NELL2: variants seen among roughly 807,000 people sequenced by gnomAD.
The protein encoded by NELL2 is protein kinase C-binding protein NELL2.
NELL2 carries 41 observed loss-of-function variants against 109.6 expected under a neutral mutation model. The observed-to-expected ratio is 0.37, with a 90% CI of 0.29 to 0.49. NELL2 has a LOEUF of 0.49. Ranked by LOEUF, NELL2 falls within the 20% of genes least tolerant of loss-of-function variation. NELL2 has a pLI of 0.98. For synonymous variants in NELL2, 355 were observed against 344.7 expected (o/e 1.03, Z -0.33); for missense variants, 900 against 1,008.3 (o/e 0.89, Z 1.45).
intron 3 of NELL2, among the ~76,000 whole-genome samples, chr12:44,787,040 A>T (rs1234962910): frequency 2.0e-5 from 3 of 151,598 alleles, no homozygotes; most frequent in African/African-American, 2.4e-5. Flanking sequence ...TTTAAAGTAT[A>T]AAAAAAAACT....
intron 9 of NELL2, among the ~76,000 whole-genome samples, chr12:44,724,053 T>C (rs1260561841): frequency 6.6e-6 from 1 of 151,908 alleles, no homozygotes; most frequent in Non-Finnish European, 1.5e-5. Context: ...CATGGAATAC[T>C]ATGCAGCCAT....
chr12:44,815,776 G>A (rs1186172293), intron 3 of NELL2: 2 of 437,946 alleles, frequency 4.6e-6, no homozygotes, highest in Non-Finnish European at 7.8e-6. Flanking sequence ...GCGCCACCAA[G>A]CCCAGCTAAT....
intron 11 of NELL2, among the ~76,000 whole-genome samples, chr12:44,705,175 A>G (rs1937801036): frequency 6.6e-6 from 1 of 152,140 alleles, no homozygotes; most frequent in Non-Finnish European, 1.5e-5. Context: ...TGTTCATTCG[A>G]TTAGAATTCC....
intron 2 of NELL2, among the ~76,000 whole-genome samples, chr12:44,818,450 T>A (rs1173819388): frequency 6.6e-6 from 1 of 152,156 alleles, no homozygotes; most frequent in Non-Finnish European, 1.5e-5. Flanking sequence ...GAGAAAGGAT[T>A]ACAGTGAATA....
chr12:44,825,189 T>G (rs769567061), intron 2 of NELL2, among the ~76,000 whole-genome samples: 8 of 152,126 alleles, frequency 5.3e-5, no homozygotes, highest in Non-Finnish European at 1.2e-4. Context: ...AATCTGTACA[T>G]AACTATGGGT....
intron 1 of NELL2, among the ~76,000 whole-genome samples, chr12:44,900,427 G>A (rs1445092213): frequency 2.0e-5 from 3 of 152,180 alleles, no homozygotes; most frequent in Non-Finnish European, 4.4e-5. Context: ...AGACCACGGT[G>A]CAATGAAATT....
chr12:44,845,994 A>T (rs1187732794), intron 2 of NELL2, among the ~76,000 whole-genome samples: 1 of 152,228 alleles, frequency 6.6e-6, no homozygotes, highest in East Asian at 1.9e-4. Context: ...ACTCCACACT[A>T]TGGCAGTGCT....
chr12:44,816,832 G>A (rs938541054), intron 2 of NELL2, among the ~76,000 whole-genome samples: 3 of 152,136 alleles, frequency 2.0e-5, no homozygotes, highest in Non-Finnish European at 4.4e-5. Flanking sequence ...CTGAACTTCC[G>A]CATGTTTTAG....
In NELL2 at chr12:44,836,875, G is replaced by A. The variant is rs369252802; in HGVS notation, c.185-20739C>T. Among the ~76,000 whole-genome samples, 14 of 152,306 alleles carry A rather than the reference G, an allele frequency of 9.2e-5. No homozygotes were observed. The East Asian group carries it at 2.7e-3, about 29-fold the overall frequency. On this transcript the variant is annotated intron_variant, in intron 2 of 19. Coordinates refer to ENST00000429094, the MANE Select transcript of NELL2 (RefSeq NM_001145108.2). Reference sequence around the variant, plus strand: ...AGAGAGATTTTTAAAAAGAGATGAAGAAGGAGCATTGTATTTTGAGAGGAG... The same window carrying A: ...AGAGAGATTTTTAAAAAGAGATGAAAAAGGAGCATTGTATTTTGAGAGGAG...
intron 12 of NELL2, among the ~76,000 whole-genome samples, chr12:44,692,796 C>G (rs1948940770): frequency 1.3e-5 from 2 of 152,062 alleles, no homozygotes; most frequent in Non-Finnish European, 2.9e-5. Context: ...GAAATGAAGC[C>G]TGAAGATGTG....
chr12:44,849,190 C>T (rs1944460034), intron 2 of NELL2, among the ~76,000 whole-genome samples: 3 of 152,136 alleles, frequency 2.0e-5, no homozygotes, highest in South Asian at 4.1e-4. Context: ...ATAATGATAA[C>T]TTGAACTCCA....
chr12:44,609,663 T>C (rs544793059), intron 14 of NELL2, among the ~76,000 whole-genome samples: 1 of 151,914 alleles, frequency 6.6e-6, no homozygotes, highest in African/African-American at 2.4e-5. Flanking sequence ...TAGGCCTTTT[T>C]CAAAATGACC....
At chr12:44,785,446 T>C (rs920414182) in intron 3 of NELL2, among the ~76,000 whole-genome samples, 4 of 152,164 alleles carry the variant, frequency 2.6e-5, no homozygotes, top group African/African-American at 4.8e-5. Flanking sequence ...AAAATGGCCA[T>C]ACTGCCCAAA....
intron 5 of NELL2, 123 bp downstream of exon 5, chr12:44,779,538 CAG>C: frequency 1.4e-6 from 1 of 731,974 alleles, no homozygotes; most frequent in Non-Finnish European, 2.2e-6. Context: ...AAAAATGAAA[CAG>C]ACACAAATTT....
chr12:44,765,349 G>C (rs1941286835), intron 9 of NELL2, among the ~76,000 whole-genome samples: 1 of 152,102 alleles, frequency 6.6e-6, no homozygotes, highest in East Asian at 1.9e-4. Flanking sequence ...GAAAGCAGCC[G>C]AGAATTTTTT....
intron 15 of NELL2, among the ~76,000 whole-genome samples, chr12:44,575,930 T>C (rs1262889652): frequency 6.6e-6 from 1 of 152,180 alleles, no homozygotes; most frequent in Non-Finnish European, 1.5e-5. Context: ...AAAATGTTAA[T>C]GACCTACAAG....
At chr12:44,520,412 T>A (rs1008309018) in intron 18 of NELL2, among the ~76,000 whole-genome samples, 183 bp from the exon 19 acceptor site, 3 of 152,236 alleles carry the variant, frequency 2.0e-5, no homozygotes, top group African/African-American at 7.2e-5. Flanking sequence ...CCTATCAGAA[T>A]GATGAATTCT....
rs756043219 is a variant in NELL2 at position 44,764,414 on chromosome 12, A to G, written c.994+10333T>C. ...ACATTTCATTTTAATACGAAATACT[A>G]GAAGATTTACTTTTGATTTTTCCCT... is the stretch of plus-strand genomic sequence containing the variant. On this transcript the variant is annotated intron_variant, in intron 9 of 19. Transcript: ENST00000429094. 8.5e-5 allele frequency among the ~76,000 whole-genome samples: 13 copies of G among 152,330 alleles called. 1 individual carries two copies. The highest frequency in any genetic ancestry group is 1.6e-4 in the Non-Finnish European group (11 of 68,020).
intron 15 of NELL2, among the ~76,000 whole-genome samples, chr12:44,557,526 G>A (rs1009375130): frequency 6.6e-6 from 1 of 152,064 alleles, no homozygotes; most frequent in Non-Finnish European, 1.5e-5. Flanking sequence ...CTGAAGAGGT[G>A]GAATCTACAA....
Sources: gnomAD v4.1 joint callset for allele counts (sites outside exome capture counted in the v4.1 genomes callset) on GRCh38, gnomAD v4.1.1 for gene constraint, MANE v1.5 for transcripts, NCBI Gene and HGNC (gene_info 2026-07-23, HGNC 2026-07-21) for gene names.